TDRD3: variants seen among roughly 807,000 people sequenced by gnomAD.
TDRD3 encodes tudor domain-containing protein 3.
A neutral mutation model predicts 86.7 loss-of-function variants in TDRD3; 45 were observed. The observed-to-expected ratio is 0.52, with a 90% confidence interval of 0.41 to 0.67. TDRD3 has a LOEUF of 0.67. Among genes scored for constraint, TDRD3 ranks in the 30% least tolerant of loss-of-function variants. The pLI, the probability that TDRD3 is intolerant of heterozygous loss-of-function variation, is 0.00. For missense variants in TDRD3, 814 were observed against 889.0 expected, an observed-to-expected ratio of 0.92 and a Z score of 1.07; for synonymous variants, 298 against 301.7, an observed-to-expected ratio of 0.99 and a Z score of 0.13.
intron 10 of TDRD3, among the ~76,000 whole-genome samples, chr13:60,513,602 T>C (rs184568494): frequency 3.3e-5 from 5 of 152,298 alleles, no homozygotes; most frequent in Admixed American, 6.5e-5. Flanking sequence ...TTCCCACATG[T>C]TGTGGGAGGC....
chr13:60,458,197 A>T lies in TDRD3; in HGVS notation c.193-2183A>T, dbSNP rs1157655133. Among the ~76,000 whole-genome samples the T allele has an allele frequency of 6.6e-5, 10 of 152,304 alleles. No individual in the cohort carries two copies. In the East Asian group the frequency reaches 1.9e-3, roughly 29 times the overall value. ...GTTCTCATAGTCAACCAGATGTAGG[A>T]GATCACCAAAATAGTCCTATTCCTG... On this transcript the variant is annotated intron_variant, in intron 3 of 13. Transcript: ENST00000377881.
intron 12 of TDRD3, among the ~76,000 whole-genome samples, chr13:60,549,448 T>G (rs529280043): frequency 6.6e-6 from 1 of 152,252 alleles, no homozygotes; most frequent in Admixed American, 6.5e-5. Flanking sequence ...TAGCTTCTGC[T>G]GGTAACATTA....
intron 10 of TDRD3, among the ~76,000 whole-genome samples, chr13:60,513,569 C>T (rs866608697): frequency 3.3e-5 from 5 of 152,126 alleles, no homozygotes; most frequent in African/African-American, 4.8e-5. Context: ...TTGGCTGTGT[C>T]CCCACCCAAA....
intron 1 of TDRD3, among the ~76,000 whole-genome samples, chr13:60,416,987 C>G (rs1171300844): frequency 6.7e-6 from 1 of 149,568 alleles, no homozygotes. Context: ...CTTTCTTGTT[C>G]TTCTGACTTT....
At position 60,460,595 on chromosome 13, in the gene TDRD3, A is replaced by G. The variant is rs1359350251; in HGVS notation, c.353+55A>G. On this transcript the variant is annotated intron_variant, in intron 4 of 13. Transcript: ENST00000377881. ...TACAGAATGTTGAAGGTGCTATTCA[A>G]TTGGAATAACTTAAGAATTTTGAAA... is the stretch of plus-strand genomic sequence containing the variant. The G allele has an allele frequency of 1.4e-5, 20 of 1,452,894 alleles. No homozygotes were observed. In the East Asian group the frequency reaches 1.6e-4, roughly 12 times the overall value. 90.0% of individuals were successfully genotyped at this position (1,452,894 alleles called of 1,614,324 possible).
intron 12 of TDRD3, among the ~76,000 whole-genome samples, chr13:60,564,106 G>A (rs968514833): frequency 1.3e-5 from 2 of 152,178 alleles, no homozygotes; most frequent in African/African-American, 4.8e-5. Context: ...CTCATATTGA[G>A]TATTAGTTAT....
intron 1 of TDRD3, among the ~76,000 whole-genome samples, chr13:60,434,783 T>C (rs924197700): frequency 1.4e-4 from 22 of 152,158 alleles, no homozygotes; most frequent in African/African-American, 5.3e-4. Flanking sequence ...CCTTGGGTTT[T>C]AGGTGTTCAA....
intron 1 of TDRD3, among the ~76,000 whole-genome samples, chr13:60,430,504 T>C (rs1044314859): frequency 3.9e-5 from 6 of 152,158 alleles, no homozygotes; most frequent in African/African-American, 1.4e-4. Context: ...CAGTTCTGCT[T>C]CTGAATTAAT....
At chr13:60,476,205 T>C (rs920025878) in intron 5 of TDRD3, among the ~76,000 whole-genome samples, 1 of 152,146 alleles carries the variant, frequency 6.6e-6, no homozygotes, top group Non-Finnish European at 1.5e-5. Flanking sequence ...TCTTCTTGAG[T>C]TAATGTTTGC....
intron 1 of TDRD3, among the ~76,000 whole-genome samples, chr13:60,434,965 C>T (rs1477706612): frequency 6.6e-6 from 1 of 152,150 alleles, no homozygotes; most frequent in Non-Finnish European, 1.5e-5. Context: ...TACTGTGTTA[C>T]TGAAGTTCTT....
intron 2 of TDRD3, among the ~76,000 whole-genome samples, chr13:60,441,499 C>A (rs79368327): frequency 0.11 from 17,121 of 151,930 alleles, 1,301 homozygotes; most frequent in African/African-American, 0.21. Context: ...GGAAAAAAAA[C>A]CATTTTGATT....
At chr13:60,553,403 C>T (rs1958111155) in intron 12 of TDRD3, among the ~76,000 whole-genome samples, 1 of 152,114 alleles carries the variant, frequency 6.6e-6, no homozygotes, top group African/African-American at 2.4e-5. Flanking sequence ...ACTGTTGTAT[C>T]CTCCGCCTGT....
intron 10 of TDRD3, among the ~76,000 whole-genome samples, chr13:60,519,411 C>A (rs1353746476): frequency 1.3e-5 from 2 of 152,058 alleles, no homozygotes; most frequent in East Asian, 1.9e-4. Flanking sequence ...TGGTTTTTGA[C>A]CCACAAGTCT....
chr13:60,522,200 C>G (rs1566268690), intron 10 of TDRD3, among the ~76,000 whole-genome samples: 1 of 152,106 alleles, frequency 6.6e-6, no homozygotes, highest in African/African-American at 2.4e-5. Context: ...TAAATTTTCT[C>G]TGTAATATGA....
chr13:60,421,688 A>T (rs144884403), intron 1 of TDRD3, among the ~76,000 whole-genome samples: 74 of 152,322 alleles, frequency 4.9e-4, no homozygotes, highest in African/African-American at 9.1e-4. Context: ...GAGCACAGAG[A>T]ATGTGGAAAC....
intron 12 of TDRD3, among the ~76,000 whole-genome samples, chr13:60,565,546 T>C (rs1958439557): frequency 6.6e-6 from 1 of 152,176 alleles, no homozygotes; most frequent in African/African-American, 2.4e-5. Flanking sequence ...AGCATTGTCG[T>C]TTTTATTATG....
At chr13:60,531,856 A>G (rs779913042) in intron 11 of TDRD3, among the ~76,000 whole-genome samples, 11 of 152,192 alleles carry the variant, frequency 7.2e-5, no homozygotes, top group African/African-American at 2.4e-4. Context: ...TGAATGAATG[A>G]CTATGAATGA....
intron 8 of TDRD3, among the ~76,000 whole-genome samples, chr13:60,498,673 C>T (rs946195967): frequency 6.6e-6 from 1 of 152,048 alleles, no homozygotes; most frequent in African/African-American, 2.4e-5. Context: ...GAGGCTGGGT[C>T]CCCTTGAGGA....
chr13:60,523,819 C>T (rs906583407), intron 10 of TDRD3, among the ~76,000 whole-genome samples: 5 of 152,032 alleles, frequency 3.3e-5, no homozygotes, highest in Admixed American at 1.3e-4. Flanking sequence ...TCAAGTGATC[C>T]ACCCACCTTG....
Sources: allele counts gnomAD v4.1 joint callset (sites outside exome capture counted in the v4.1 genomes callset), GRCh38; gene constraint gnomAD v4.1.1; transcripts MANE v1.5; gene names NCBI Gene and HGNC (gene_info 2026-07-23, HGNC 2026-07-21).